The following SIPA1L3 variants were observed in gnomAD, a reference collection of about 807,000 sequenced individuals.
SIPA1L3 encodes the protein signal-induced proliferation-associated 1-like protein 3.
In SIPA1L3, 59 loss-of-function variants were observed where a neutral mutation model predicts 150.1. The observed-to-expected ratio is 0.39, with a 90% CI of 0.32 to 0.49. The LOEUF is 0.49. Ranked by LOEUF, SIPA1L3 falls within the 20% of genes least tolerant of loss-of-function variation. The probability of loss-of-function intolerance (pLI) is 0.86; values close to 1 mark genes in which losing one functional copy is unlikely to be tolerated. For missense variants in SIPA1L3, 2,211 were observed against 2,489.5 expected, an observed-to-expected ratio of 0.89 and a Z score of 2.38; for synonymous variants, 1,070 against 1,077.6, an observed-to-expected ratio of 0.99 and a Z score of 0.14.
At chr19:37,998,076 A>C (rs2145649831) in intron 1 of SIPA1L3, among the ~76,000 whole-genome samples, 1 of 152,294 alleles carries the variant, frequency 6.6e-6, no homozygotes, top group South Asian at 2.1e-4. Flanking sequence ...TCTGTGCCTT[A>C]GTTTCCACAT....
At chr19:38,074,448 C>T (rs1219356016) in intron 2 of SIPA1L3, among the ~76,000 whole-genome samples, 1 of 152,228 alleles carries the variant, frequency 6.6e-6, no homozygotes, top group Non-Finnish European at 1.5e-5. Flanking sequence ...CTAATCCTCC[C>T]TCCGCACTCT....
chr19:38,076,591 G>A (rs919686190), intron 2 of SIPA1L3, among the ~76,000 whole-genome samples: 1 of 152,110 alleles, frequency 6.6e-6, no homozygotes, highest in Non-Finnish European at 1.5e-5. Context: ...AGTTTTCATC[G>A]TGTTTAGTGC....
At chr19:37,972,565 A>G (rs945174853) in intron 1 of SIPA1L3, among the ~76,000 whole-genome samples, 6 of 152,056 alleles carry the variant, frequency 3.9e-5, no homozygotes, top group African/African-American at 1.4e-4. Context: ...TTAGCCGGGC[A>G]TGGTGGTGTG....
intron 9 of SIPA1L3, among the ~76,000 whole-genome samples, chr19:38,122,272 GT>G (rs2145901137): frequency 6.6e-6 from 1 of 152,226 alleles, no homozygotes; most frequent in South Asian, 2.1e-4. Context: ...CCTCTCAGAG[GT>G]TTCCTGACTT....
At chr19:38,057,816 T>TTTTTTTA (rs200517020) in intron 2 of SIPA1L3, among the ~76,000 whole-genome samples, 2 of 151,416 alleles carry the variant, frequency 1.3e-5, no homozygotes, top group Admixed American at 6.6e-5. Context: ...CTGGCTAATT[T>TTTTTTTA]TTTTTTATTT....
At chr19:37,953,988 T>A (rs138444249) in intron 1 of SIPA1L3, among the ~76,000 whole-genome samples, 276 of 152,320 alleles carry the variant, frequency 1.8e-3, no homozygotes, top group Middle Eastern at 6.8e-3. Context: ...AAAATAAGCT[T>A]ATGGTAACTT....
chr19:38,014,602 G>C (rs1028442771), intron 1 of SIPA1L3, among the ~76,000 whole-genome samples: 3 of 147,212 alleles, frequency 2.0e-5, no homozygotes, highest in Admixed American at 1.4e-4. Context: ...GCCTAGGCTG[G>C]AGTGCAGTGG....
chr19:38,040,742 G>A (rs1165135740), intron 2 of SIPA1L3, among the ~76,000 whole-genome samples: 5 of 152,150 alleles, frequency 3.3e-5, no homozygotes, highest in African/African-American at 1.2e-4. Context: ...TTGGTTAAAC[G>A]TGTCTTAAAA....
rs371458430 is a variant in SIPA1L3 at position 38,197,195 on chromosome 19, G to A, written c.4841-1194G>A. Among the ~76,000 whole-genome samples, 7 of 152,140 alleles carry A rather than the reference G, an allele frequency of 4.6e-5. No individual in the cohort carries two copies. The East Asian group carries it at 7.8e-4, about 17-fold the overall frequency. ...CTTGGCCCTGCACAGAGGAGGTGCC[G>A]GGAATGCAGAGCGGGCTGGGCCCAC... On this transcript the variant is annotated intron_variant, in intron 18 of 21. Coordinates refer to ENST00000222345, the MANE Select transcript of SIPA1L3 (RefSeq NM_015073.3).
At chr19:38,152,392 T>C (rs1355816906) in intron 12 of SIPA1L3, among the ~76,000 whole-genome samples, 1 of 152,214 alleles carries the variant, frequency 6.6e-6, no homozygotes, top group Middle Eastern at 3.2e-3. Context: ...AAGCCCCAGT[T>C]GCCCAACTCA....
chr19:38,039,334 C>G (rs1305378712), intron 2 of SIPA1L3, among the ~76,000 whole-genome samples: 5 of 124,846 alleles, frequency 4.0e-5, no homozygotes. Context: ...ATACGTGCCC[C>G]AAAACAAAGT....
Position 37,932,128 on chromosome 19 carries a change from G to A in SIPA1L3, c.-379+24770G>A, listed in dbSNP as rs144421815. On this transcript the variant is annotated intron_variant, in intron 1 of 21. Coordinates refer to ENST00000222345, the MANE Select transcript of SIPA1L3 (RefSeq NM_015073.3). The stretch of plus-strand genomic sequence containing the variant: ...CTGTGAGCTAGTGCCTCCTCTGCAC[G>A]GGCCAAGGAGCCCGCCTTTAGATTG... Among the ~76,000 whole-genome samples, 20 of 152,318 alleles carry A rather than the reference G, an allele frequency of 1.3e-4. No homozygotes were observed. In the East Asian group the frequency reaches 3.9e-3, roughly 29 times the overall value.
chr19:37,972,168 AGTGT>A (rs34744094), intron 1 of SIPA1L3, among the ~76,000 whole-genome samples: 35,016 of 144,838 alleles, frequency 0.24, 5,081 homozygotes, highest in East Asian at 0.5. Context: ...AGAGATACCT[AGTGT>A]GTGTGTGTGT....
intron 15 of SIPA1L3, among the ~76,000 whole-genome samples, chr19:38,169,462 G>T (rs1972279318): frequency 6.7e-6 from 1 of 150,280 alleles, no homozygotes; most frequent in Admixed American, 6.6e-5. Context: ...CCCTCCCTCA[G>T]CGACTTCTTG....
intron 13 of SIPA1L3, among the ~76,000 whole-genome samples, chr19:38,159,653 C>T (rs1568583054): frequency 6.6e-6 from 1 of 152,256 alleles, no homozygotes; most frequent in Non-Finnish European, 1.5e-5. Context: ...CCAATCCGAG[C>T]CACACGTCCT....
chr19:38,180,420 C>G (rs1303147888), intron 15 of SIPA1L3, among the ~76,000 whole-genome samples: 2 of 151,818 alleles, frequency 1.3e-5, no homozygotes, highest in African/African-American at 4.8e-5. Flanking sequence ...TCTTGGCCTC[C>G]CAAAGTGCTG....
chr19:37,907,749 C>T (rs1486299277), intron 1 of SIPA1L3: 2 of 152,176 alleles, frequency 1.3e-5, no homozygotes, highest in African/African-American at 2.4e-5. Flanking sequence ...GCACTTACTA[C>T]GTATTTGGGT....
intron 1 of SIPA1L3, among the ~76,000 whole-genome samples, chr19:37,976,842 A>T (rs959010892): frequency 6.6e-6 from 1 of 152,050 alleles, no homozygotes; most frequent in Non-Finnish European, 1.5e-5. Context: ...TACTATTAGT[A>T]TTATTTTTTT....
chr19:38,092,947 C>T (rs1970294952), intron 4 of SIPA1L3, among the ~76,000 whole-genome samples: 1 of 151,542 alleles, frequency 6.6e-6, no homozygotes, highest in South Asian at 2.1e-4. Context: ...ACAAGCTCCG[C>T]CTCCCAGGTT....
Sources: allele counts gnomAD v4.1 joint callset (sites outside exome capture counted in the v4.1 genomes callset), GRCh38; gene constraint gnomAD v4.1.1; transcripts MANE v1.5; gene names NCBI Gene and HGNC (gene_info 2026-07-23, HGNC 2026-07-21).